Variants in GPR39 observed in about 807,000 individuals in gnomAD.
The protein encoded by GPR39 is zinc sensing receptor.
GPR39 carries 23 observed loss-of-function variants against 18.4 expected under a neutral mutation model. That is an observed-to-expected ratio of 1.25 (90% confidence interval 0.90 to 1.77). The LOEUF (loss-of-function observed/expected upper bound fraction) is 1.77. Ranked by LOEUF, GPR39 falls within the 40% of genes most tolerant of loss-of-function variation. The probability of loss-of-function intolerance (pLI) is 0.00; values close to 1 mark genes in which losing one functional copy is unlikely to be tolerated. For missense variants in GPR39, 647 were observed against 602.4 expected (o/e 1.07, Z -0.78); for synonymous variants, 280 against 257.9 (o/e 1.09, Z -0.82).
chr2:132,595,089 C>T (rs1044030966), intron 1 of GPR39, among the ~76,000 whole-genome samples: 2 of 152,172 alleles, frequency 1.3e-5, no homozygotes, highest in African/African-American at 2.4e-5. Flanking sequence ...GCCTCCGCCG[C>T]ACAGGCTTAA....
At chr2:132,479,785 CA>C (rs551552835) in intron 1 of GPR39, among the ~76,000 whole-genome samples, 19 of 152,216 alleles carry the variant, frequency 1.2e-4, no homozygotes, top group African/African-American at 4.6e-4. Flanking sequence ...CTGTGGAAAA[CA>C]GTATGGAGAT....
chr2:132,518,984 A>G (rs1679379489), intron 1 of GPR39, among the ~76,000 whole-genome samples: 2 of 152,232 alleles, frequency 1.3e-5, no homozygotes, highest in Non-Finnish European at 2.9e-5. Flanking sequence ...TTCTTCATTC[A>G]TAACAAAGCT....
At chr2:132,463,916 A>G (rs1680877534) in intron 1 of GPR39, among the ~76,000 whole-genome samples, 1 of 152,136 alleles carries the variant, frequency 6.6e-6, no homozygotes, top group South Asian at 2.1e-4. Context: ...GGACATTTTG[A>G]TGTCTTCATC....
chr2:132,529,688 G>A (rs1239294274), intron 1 of GPR39, among the ~76,000 whole-genome samples: 1 of 152,162 alleles, frequency 6.6e-6, no homozygotes, highest in Non-Finnish European at 1.5e-5. Flanking sequence ...CAGCATTTGC[G>A]GTTCACCAAT....
intron 1 of GPR39, among the ~76,000 whole-genome samples, chr2:132,631,990 T>G: frequency 6.6e-6 from 1 of 152,080 alleles, no homozygotes; most frequent in East Asian, 1.9e-4. Context: ...GCCCAGCTAA[T>G]TTTTGTATTT....
intron 1 of GPR39, among the ~76,000 whole-genome samples, chr2:132,549,483 T>C (rs562754802): frequency 1.3e-5 from 2 of 152,224 alleles, no homozygotes; most frequent in African/African-American, 4.8e-5. Flanking sequence ...CTGTGGGTGA[T>C]TTCTGTAATT....
chr2:132,493,023 TATATATACCATATATATACC>T (rs1681530146), intron 1 of GPR39, among the ~76,000 whole-genome samples: 1 of 137,892 alleles, frequency 7.3e-6, no homozygotes, highest in African/African-American at 2.8e-5. Flanking sequence ...ATATATACTA[TATATATACCATATATATACC>T]ATATATACCA....
At chr2:132,538,839 C>A (rs1280442830) in intron 1 of GPR39, among the ~76,000 whole-genome samples, 1 of 152,200 alleles carries the variant, frequency 6.6e-6, no homozygotes, top group Non-Finnish European at 1.5e-5. Flanking sequence ...TCAGTCCAAA[C>A]CTCTCAATCT....
At chr2:132,500,503 G>A (rs1380223877) in intron 1 of GPR39, among the ~76,000 whole-genome samples, 1 of 152,048 alleles carries the variant, frequency 6.6e-6, no homozygotes, top group Non-Finnish European at 1.5e-5. Context: ...GAGGATTTTT[G>A]CATCTGTGTT....
At chr2:132,474,812 A>G (rs1273450702) in intron 1 of GPR39, among the ~76,000 whole-genome samples, 4 of 152,280 alleles carry the variant, frequency 2.6e-5, no homozygotes, top group East Asian at 1.9e-4. Flanking sequence ...CAGCATATTC[A>G]TGGCAATTCC....
At chr2:132,466,305 C>T (rs1008262935) in intron 1 of GPR39, among the ~76,000 whole-genome samples, 2 of 152,180 alleles carry the variant, frequency 1.3e-5, no homozygotes, top group Non-Finnish European at 2.9e-5. Flanking sequence ...TTAGCAGAGT[C>T]GCTATCACAA....
At chr2:132,605,665 G>A (rs1312317956) in intron 1 of GPR39, among the ~76,000 whole-genome samples, 1 of 152,176 alleles carries the variant, frequency 6.6e-6, no homozygotes, top group African/African-American at 2.4e-5. Context: ...GAGCATTCCT[G>A]GGTGAGGACG....
At chr2:132,606,886 A>G (rs762837976) in intron 1 of GPR39, among the ~76,000 whole-genome samples, 152 of 152,148 alleles carry the variant, frequency 1.0e-3, no homozygotes, top group Non-Finnish European at 1.4e-3. Flanking sequence ...CTCCCCCTGG[A>G]GTCCGCGTTG....
chr2:132,635,405 G>A (rs986427786), intron 1 of GPR39, among the ~76,000 whole-genome samples: 2 of 152,184 alleles, frequency 1.3e-5, no homozygotes, highest in African/African-American at 4.8e-5. Context: ...CATTCTTGGT[G>A]AACTCATAGA....
intron 1 of GPR39, among the ~76,000 whole-genome samples, chr2:132,619,069 C>T (rs1033958418): frequency 1.3e-5 from 2 of 152,214 alleles, no homozygotes; most frequent in African/African-American, 4.8e-5. Flanking sequence ...CTGGCTGCTA[C>T]ACCCCCACAG....
chr2:132,541,216 C>T (rs935754344), intron 1 of GPR39, among the ~76,000 whole-genome samples: 8 of 151,906 alleles, frequency 5.3e-5, no homozygotes, highest in Admixed American at 3.3e-4. Flanking sequence ...CCCCAGTAGC[C>T]GAAATTATAG....
chr2:132,429,963 T>G (rs1000615277), intron 1 of GPR39, among the ~76,000 whole-genome samples: 1 of 152,194 alleles, frequency 6.6e-6, no homozygotes, highest in African/African-American at 2.4e-5. Context: ...ATGGAGGAAG[T>G]TGATAGCTAG....
intron 1 of GPR39, among the ~76,000 whole-genome samples, chr2:132,534,781 T>C: frequency 6.6e-6 from 1 of 151,912 alleles, no homozygotes; most frequent in Non-Finnish European, 1.5e-5. Flanking sequence ...TAGGTGGGAA[T>C]TGAACAATGA....
At position 132,533,334 on chromosome 2, in the gene GPR39, T is replaced by G. The variant is rs979813660; in HGVS notation, c.857-111767T>G. Among the ~76,000 whole-genome samples the G allele has an allele frequency of 4.6e-5, 7 of 151,326 alleles. No homozygotes were observed. In the East Asian group the frequency reaches 5.9e-4, roughly 13 times the overall value. On this transcript the variant is annotated intron_variant, in intron 1 of 1. Transcript: ENST00000329321. Reference sequence around the variant, plus strand: ...AGGAGAGCTACAAACCACTGCTCAATGAAATAAAAGAGGATACAAACAAAT... The same window carrying G: ...AGGAGAGCTACAAACCACTGCTCAAGGAAATAAAAGAGGATACAAACAAAT...
Sources: allele counts gnomAD v4.1 joint callset (sites outside exome capture counted in the v4.1 genomes callset), GRCh38; gene constraint gnomAD v4.1.1; transcripts MANE v1.5; gene names NCBI Gene and HGNC (gene_info 2026-07-23, HGNC 2026-07-21).